POU2AF2: variants seen among roughly 807,000 people sequenced by gnomAD.
The protein encoded by POU2AF2 is POU class 2 homeobox associating factor 2, also known as POU domain class 2-associating factor 2.
the POU2AF2 span, among the ~76,000 whole-genome samples, chr11:111,283,059 T>TTC: frequency 5.5e-5 from 1 of 18,040 alleles, no homozygotes; most frequent in East Asian, 5.9e-3. Context: ...AACTTTTTAC[T>TTC]TTTTTTTTTT....
At chr11:111,264,491 CGAAAGAAAGAAAGAAAGAAAGAAA>C in the POU2AF2 span, among the ~76,000 whole-genome samples, 1,558 of 86,026 alleles carry the variant, frequency 0.018, 43 homozygotes, top group East Asian at 0.027. Context: ...GCAAGACTCA[CGAAAGAAAGAAAGAAAGAAAGAAA>C]GAAAGAAAGA....
At chr11:111,247,189 C>CAGAGAGAGAGAG in the POU2AF2 span, among the ~76,000 whole-genome samples, 427 of 34,380 alleles carry the variant, frequency 0.012, 4 homozygotes, top group Admixed American at 0.018. Context: ...CATACACACA[C>CAGAGAGAGAGAG]ACAGAGAGAG....
the POU2AF2 span, among the ~76,000 whole-genome samples, chr11:111,281,776 G>A: frequency 6.6e-6 from 1 of 152,218 alleles, no homozygotes; most frequent in African/African-American, 2.4e-5. Flanking sequence ...AAAGCCGTCT[G>A]CGAGCAGAGG....
the POU2AF2 span, among the ~76,000 whole-genome samples, chr11:111,250,888 G>T: frequency 6.6e-6 from 1 of 152,162 alleles, no homozygotes; most frequent in African/African-American, 2.4e-5. Flanking sequence ...CTTCAGAAAC[G>T]CTGGGGTACA....
the POU2AF2 span, among the ~76,000 whole-genome samples, chr11:111,263,427 CTTT>C: frequency 1.0e-5 from 1 of 96,144 alleles, no homozygotes; most frequent in Admixed American, 1.2e-4. Context: ...TACTGAAGTT[CTTT>C]TTTTTTTTTT....
chr11:111,260,914 G>A, the POU2AF2 span, among the ~76,000 whole-genome samples: 8 of 152,120 alleles, frequency 5.3e-5, no homozygotes, highest in Non-Finnish European at 1.2e-4. Context: ...TATTTGTGAC[G>A]ACACTGATAA....
At chr11:111,267,280 C>T in the POU2AF2 span, among the ~76,000 whole-genome samples, 3 of 152,080 alleles carry the variant, frequency 2.0e-5, no homozygotes, top group Non-Finnish European at 4.4e-5. Flanking sequence ...GAATAGAGTC[C>T]CTCTTGGTCA....
chr11:111,249,949 A>G, the POU2AF2 span, among the ~76,000 whole-genome samples: 3 of 152,152 alleles, frequency 2.0e-5, no homozygotes, highest in Admixed American at 1.3e-4. Flanking sequence ...TCCTTGGAGA[A>G]CTTTACTTTC....
At chr11:111,256,563 A>G in the POU2AF2 span, among the ~76,000 whole-genome samples, 1 of 152,266 alleles carries the variant, frequency 6.6e-6, no homozygotes, top group African/African-American at 2.4e-5. Flanking sequence ...CTTGCCGGGA[A>G]CCAGTCATGT....
At chr11:111,259,174 T>C in the POU2AF2 span, among the ~76,000 whole-genome samples, 1 of 152,190 alleles carries the variant, frequency 6.6e-6, no homozygotes, top group Admixed American at 6.5e-5. Context: ...TTTCATTTGA[T>C]AGACACACTA....
At chr11:111,258,922 C>T in the POU2AF2 span, among the ~76,000 whole-genome samples, 1 of 152,198 alleles carries the variant, frequency 6.6e-6, no homozygotes, top group Non-Finnish European at 1.5e-5. Flanking sequence ...GACCCAGTGA[C>T]AGTGGGTCTT....
chr11:111,267,923 A>G, the POU2AF2 span, among the ~76,000 whole-genome samples: 1 of 152,238 alleles, frequency 6.6e-6, no homozygotes. Context: ...ATACTAAGCC[A>G]ATTATTAGTA....
chr11:111,275,865 A>G, the POU2AF2 span, among the ~76,000 whole-genome samples: 3 of 152,236 alleles, frequency 2.0e-5, no homozygotes, highest in Non-Finnish European at 2.9e-5. Flanking sequence ...TAAAAATTCA[A>G]TGTGTGAGTT....
At chr11:111,261,061 C>T in the POU2AF2 span, among the ~76,000 whole-genome samples, 3 of 152,336 alleles carry the variant, frequency 2.0e-5, no homozygotes, top group South Asian at 6.2e-4. Context: ...GAGACTTTTA[C>T]CAAAGACTAG....
chr11:111,270,547 A>G, the POU2AF2 span, among the ~76,000 whole-genome samples: 6 of 152,250 alleles, frequency 3.9e-5, no homozygotes, highest in African/African-American at 1.4e-4. Context: ...ATATGTTTCA[A>G]TATTCCCTCC....
the POU2AF2 span, among the ~76,000 whole-genome samples, chr11:111,279,501 T>G: frequency 6.6e-6 from 1 of 152,212 alleles, no homozygotes; most frequent in South Asian, 2.1e-4. Context: ...TAGCTGGCAG[T>G]TGTCACTGGT....
At chr11:111,280,814 A>G in the POU2AF2 span, among the ~76,000 whole-genome samples, 1 of 152,270 alleles carries the variant, frequency 6.6e-6, no homozygotes, top group Non-Finnish European at 1.5e-5. Context: ...GAGGTCAGAC[A>G]TTGGTATGGT....
the POU2AF2 span, among the ~76,000 whole-genome samples, chr11:111,263,443 T>TG: frequency 6.8e-6 from 1 of 147,026 alleles, no homozygotes; most frequent in African/African-American, 2.5e-5. Context: ...TTTTTTTTTT[T>TG]TTTTTTTGAG....
chr11:111,246,785 A>G, the POU2AF2 span, among the ~76,000 whole-genome samples: 1 of 152,332 alleles, frequency 6.6e-6, no homozygotes, highest in East Asian at 1.9e-4. Context: ...ACAGATTAAT[A>G]TATCTATCAT....
Sources: gnomAD v4.1 joint callset for allele counts (sites outside exome capture counted in the v4.1 genomes callset) on GRCh38, gnomAD v4.1.1 for gene constraint, MANE v1.5 for transcripts, NCBI Gene and HGNC (gene_info 2026-07-23, HGNC 2026-07-21) for gene names.